Variants in EPM2A observed in about 807,000 individuals in gnomAD.
EPM2A encodes the protein EPM2A glucan phosphatase, laforin.
In EPM2A, 21 loss-of-function variants were observed where a neutral mutation model predicts 26.5. The observed-to-expected ratio is 0.79, with a 90% confidence interval of 0.56 to 1.14. EPM2A has a LOEUF of 1.14. Ranked by LOEUF, EPM2A falls within the 50% of genes most tolerant of loss-of-function variation. The probability of loss-of-function intolerance (pLI) is 0.00; values close to 1 mark genes in which losing one functional copy is unlikely to be tolerated. For missense variants in EPM2A, 458 were observed against 440.8 expected (o/e 1.04, Z -0.35); for synonymous variants, 217 against 177.6 (o/e 1.22, Z -1.76).
At chr6:145,448,574 G>A (rs1025398506) in intron 4 of EPM2A, among the ~76,000 whole-genome samples, 5 of 152,128 alleles carry the variant, frequency 3.3e-5, no homozygotes, top group African/African-American at 1.2e-4. Flanking sequence ...AATGCTTGAT[G>A]TTTAGTAAAC....
At chr6:145,543,308 G>A (rs1204807763) in intron 2 of EPM2A, among the ~76,000 whole-genome samples, 1 of 152,022 alleles carries the variant, frequency 6.6e-6, no homozygotes, top group Non-Finnish European at 1.5e-5. Flanking sequence ...AGTGAATCCA[G>A]AAAGGTGTCT....
intron 4 of EPM2A, among the ~76,000 whole-genome samples, chr6:145,479,414 C>G (rs1030674070): frequency 6.6e-6 from 1 of 151,226 alleles, no homozygotes; most frequent in African/African-American, 2.4e-5. Context: ...TCACCCCAAA[C>G]AGAAACTCTA....
At chr6:145,406,473 T>G (rs1396026744) in intron 4 of EPM2A, among the ~76,000 whole-genome samples, 5 of 152,182 alleles carry the variant, frequency 3.3e-5, no homozygotes, top group African/African-American at 1.2e-4. Flanking sequence ...CAATTACGTG[T>G]GAAAGTGGTA....
intron 4 of EPM2A, among the ~76,000 whole-genome samples, chr6:145,407,635 CAA>C (rs1778587428): frequency 6.6e-6 from 1 of 152,234 alleles, no homozygotes; most frequent in African/African-American, 2.4e-5. Flanking sequence ...GCAGCTTTTT[CAA>C]AGTTATGAGT....
intron 3 of EPM2A, 72 bp from the exon 4 acceptor site, chr6:145,627,765 G>C (rs1775938213): frequency 6.3e-7 from 1 of 1,577,086 alleles, no homozygotes; most frequent in Admixed American, 1.8e-5. Context: ...GTCTCCTCCA[G>C]CACAGCCTGA....
chr6:145,515,381 T>C (rs1435365542), intron 2 of EPM2A, among the ~76,000 whole-genome samples: 2 of 152,212 alleles, frequency 1.3e-5, no homozygotes, highest in Non-Finnish European at 2.9e-5. Context: ...GGGCCTCTCT[T>C]AGCCTGTTTG....
chr6:145,520,577 G>A (rs1264835053), intron 2 of EPM2A, among the ~76,000 whole-genome samples: 11 of 152,126 alleles, frequency 7.2e-5, no homozygotes. Flanking sequence ...TTTTGTACAC[G>A]TGCATTTTTT....
intron 2 of EPM2A, among the ~76,000 whole-genome samples, chr6:145,589,920 C>T (rs1781248741): frequency 6.6e-6 from 1 of 150,376 alleles, no homozygotes; most frequent in Admixed American, 6.6e-5. Flanking sequence ...AGAAAGAATA[C>T]TCCCATCCTT....
downstream of EPM2A, among the ~76,000 whole-genome samples, chr6:145,497,034 T>C (rs1779830965): frequency 6.6e-6 from 1 of 152,196 alleles, no homozygotes; most frequent in Non-Finnish European, 1.5e-5. Flanking sequence ...TTCATTCCTA[T>C]CCATATCCTG....
chr6:145,463,094 G>C (rs1336217694), intron 4 of EPM2A: 4 of 152,140 alleles, frequency 2.6e-5, no homozygotes, highest in Admixed American at 1.3e-4. Context: ...CACTTTAGGT[G>C]AATCTCACTC....
At chr6:145,731,472 T>C (rs923885050) in intron 1 of EPM2A, among the ~76,000 whole-genome samples, 3 of 152,064 alleles carry the variant, frequency 2.0e-5, no homozygotes, top group Non-Finnish European at 2.9e-5. Flanking sequence ...AAATTGACAA[T>C]TGCAAAGATA....
At chr6:145,485,424 A>G (rs542420900) in intron 4 of EPM2A, among the ~76,000 whole-genome samples, 34 of 152,096 alleles carry the variant, frequency 2.2e-4, no homozygotes, top group Non-Finnish European at 4.3e-4. Flanking sequence ...CAGAGCATGA[A>G]GACAAAAAGC....
At chr6:145,577,339 GAA>G (rs34119873) in intron 2 of EPM2A, among the ~76,000 whole-genome samples, 1 of 143,608 alleles carries the variant, frequency 7.0e-6, no homozygotes, top group Non-Finnish European at 1.5e-5. Flanking sequence ...TGAAGGAATG[GAA>G]AAAAAAAACT....
chr6:145,709,142 T>G (rs776817273), intron 1 of EPM2A, among the ~76,000 whole-genome samples: 102 of 152,326 alleles, frequency 6.7e-4, no homozygotes, highest in Non-Finnish European at 9.8e-4. Flanking sequence ...AGAAGGGGCT[T>G]GCCTTGTCTC....
chr6:145,638,588 A>T (rs2128566427), intron 2 of EPM2A: 1 of 152,360 alleles, frequency 6.6e-6, no homozygotes, highest in South Asian at 2.1e-4. Context: ...AGAAATGAGT[A>T]TGAACTAATT....
chr6:145,603,025 T>A (rs1231964540), intron 2 of EPM2A, among the ~76,000 whole-genome samples: 1 of 152,178 alleles, frequency 6.6e-6, no homozygotes, highest in African/African-American at 2.4e-5. Context: ...CCTCCTAGAA[T>A]TCATTTCAAT....
At chr6:145,664,569 C>T (rs1203563006) in intron 2 of EPM2A, among the ~76,000 whole-genome samples, 1 of 149,682 alleles carries the variant, frequency 6.7e-6, no homozygotes, top group Admixed American at 6.7e-5. Context: ...TAATGGGAGA[C>T]TTTAACACCC....
intron 2 of EPM2A, chr6:145,637,648 G>A (rs148599851): frequency 2.6e-5 from 4 of 152,186 alleles, no homozygotes; most frequent in Non-Finnish European, 5.9e-5. Flanking sequence ...CTTATCCCTG[G>A]ATCCAGATAA....
intron 2 of EPM2A, among the ~76,000 whole-genome samples, chr6:145,661,579 A>T (rs1215088664): frequency 2.0e-5 from 3 of 152,236 alleles, no homozygotes; most frequent in Non-Finnish European, 4.4e-5. Context: ...AATGGTATGT[A>T]ATCAGAATGA....
Sources: allele counts gnomAD v4.1 joint callset (sites outside exome capture counted in the v4.1 genomes callset), GRCh38; gene constraint gnomAD v4.1.1; transcripts MANE v1.5; gene names NCBI Gene and HGNC (gene_info 2026-07-23, HGNC 2026-07-21).